The following ZDHHC11 variants were observed in gnomAD, a reference collection of about 807,000 sequenced individuals.
ZDHHC11 encodes palmitoyltransferase ZDHHC11.
ZDHHC11 carries 44 observed loss-of-function variants against 51.3 expected under a neutral mutation model. The observed-to-expected ratio is 0.86, with a 90% CI of 0.67 to 1.10. The LOEUF is 1.10. ZDHHC11 is among the 50% of genes least tolerant of loss of function. The pLI, the probability that ZDHHC11 is intolerant of heterozygous loss-of-function variation, is 0.00. For missense variants in ZDHHC11, 400 were observed against 537.7 expected, an observed-to-expected ratio of 0.74 and a Z score of 2.53; for synonymous variants, 163 against 222.0, an observed-to-expected ratio of 0.73 and a Z score of 2.36.
At chr5:819,726 T>C (rs1250658730) in intron 9 of ZDHHC11, 114 bp from the exon 10 acceptor site, 7 of 1,119,618 alleles carry the variant, frequency 6.3e-6, no homozygotes, top group African/African-American at 1.5e-5. Flanking sequence ...CCCATGTGTC[T>C]CAGAAACTGG....
intron 6 of ZDHHC11, among the ~76,000 whole-genome samples, chr5:836,118 C>T (rs1304651161): frequency 6.7e-6 from 1 of 150,030 alleles, no homozygotes; most frequent in East Asian, 1.9e-4. Context: ...CACCTGTGCC[C>T]AGCCTCCAAG....
Position 850,903 on chromosome 5 carries a change from C to T in ZDHHC11, c.-301G>A. 1 of 509,034 alleles carries T rather than the reference C, an allele frequency of 2.0e-6. No individual in the cohort carries two copies. Among genetic ancestry groups the T allele is most frequent in the South Asian group, 2.7e-5 (1 of 37,216 alleles). 31.5% of individuals were successfully genotyped at this position (509,034 alleles called of 1,614,324 possible). ...GGAGGACCCAGTGCCCGCGCGACCG[C>T]CCATCAGTTCCCCTGAGGATTTGTT... On this transcript the variant is annotated 5_prime_UTR_variant, in exon 1 of 13. Transcript: ENST00000283441.
chr5:830,147 A>G (rs1742888435), intron 7 of ZDHHC11, among the ~76,000 whole-genome samples: 1 of 128,082 alleles, frequency 7.8e-6, no homozygotes, highest in African/African-American at 3.0e-5. Flanking sequence ...GAGCAATCAG[A>G]GAAGAGAAAG....
Position 815,235 on chromosome 5 carries a change from C to A in ZDHHC11, c.1147-440G>T, listed in dbSNP as rs562872489. ...AGGCAAGGAGAGAGGCCTTGGGAGA[C>A]ACCAACCCTGCAGACACCGTGCTCT... On this transcript the variant is annotated intron_variant, in intron 10 of 12. Coordinates refer to ENST00000283441, the MANE Select transcript of ZDHHC11 (RefSeq NM_024786.3). Among the ~76,000 whole-genome samples, 71 of 151,516 alleles carry A rather than the reference C, an allele frequency of 4.7e-4. 2 individuals carry two copies. Among genetic ancestry groups the A allele is most frequent in the Non-Finnish European group, 8.0e-4 (54 of 67,736 alleles).
rs151247878 is a variant in ZDHHC11, at chr5:840,245, G to A, written c.784+250C>T. 398 of 725,248 alleles carry A rather than the reference G, an allele frequency of 5.5e-4. 3 individuals carry two copies. The African/African-American group carries it at 5.7e-3, about 10-fold the overall frequency. The allele number at this position is 725,248 out of a possible 1,614,324, so 44.9% of individuals were successfully genotyped here. A position where few individuals can be genotyped will look rare whatever the true frequency, so the allele number is the denominator to read the frequency against. ...TGGCACCACTCCTGCAGGTCTCGGCGTGAGTTCAGCTTCTTGCTGGGCCTG... is the reference window on the plus strand; with the variant it reads ...TGGCACCACTCCTGCAGGTCTCGGCATGAGTTCAGCTTCTTGCTGGGCCTG... On this transcript the variant is annotated intron_variant, in intron 5 of 12. Transcript: ENST00000283441.
rs1448735657 is a variant in ZDHHC11, at chr5:856,505, A to C, written c.-1+2369T>G. Reference sequence around the variant, plus strand: ...ACACAATCCACAACACACACCACCCACACACCACACAATACACAAAACAGA... The same window carrying C: ...ACACAATCCACAACACACACCACCCCCACACCACACAATACACAAAACAGA... On this transcript the variant is annotated intron_variant, in intron 1 of 3. Coordinates refer to the ZDHHC11 transcript ENST00000685990. 4.0e-5 allele frequency among the ~76,000 whole-genome samples: 6 copies of C among 151,556 alleles called. No homozygotes were observed. The East Asian group carries it at 1.2e-3, about 29-fold the overall frequency.
chr5:823,810 C>T (rs1311751203), intron 8 of ZDHHC11: 1 of 317,476 alleles, frequency 3.1e-6, no homozygotes, highest in Non-Finnish European at 6.4e-6. Flanking sequence ...ACAAATGCAC[C>T]TGTGCAGAAG....
In ZDHHC11 at chr5:843,782, AG is replaced by A. The variant is rs1324498767; in HGVS notation, c.504-59del. 6.8e-5 allele frequency: 18 copies of A among 263,148 alleles called. No homozygotes were observed. The African/African-American group carries it at 1.3e-3, about 18-fold the overall frequency. 16.3% of individuals were successfully genotyped at this position (263,148 alleles called of 1,614,324 possible). Reference sequence around the variant, plus strand: ...GGGGACGTGGGAGCAGTGGGGGCGCAGGGGCAGGTGTGGGGGGCACGGGGGC... The same window carrying A: ...GGGGACGTGGGAGCAGTGGGGGCGCAGGGCAGGTGTGGGGGGCACGGGGGC... On this transcript the variant is annotated intron_variant, in intron 3 of 12. Transcript: ENST00000283441.
In ZDHHC11 at chr5:840,582, C is replaced by A; in HGVS notation, c.697G>T (p.Val233Phe). 1 of 1,613,900 alleles carries A rather than the reference C, an allele frequency of 6.2e-7. No individual in the cohort carries two copies. Among genetic ancestry groups the A allele is most frequent in the Non-Finnish European group, 8.5e-7 (1 of 1,179,872 alleles). The change falls in exon 5 of 13, where the codon GTC (valine) becomes TTC (phenylalanine). Residue 233 changes from valine to phenylalanine, a missense_variant. This residue lies in a region of ZDHHC11 where 231 missense variants were observed against 227.4 expected (regional missense o/e 1.02). Coordinates refer to ENST00000283441, the MANE Select transcript of ZDHHC11 (RefSeq NM_024786.3). ...LFPVQVQTLIVVIIGMLVLLL... is the reference protein window; with the variant it reads ...LFPVQVQTLIFVIIGMLVLLL... ...AGCACGAGCATCCCGATGATCACGA[C>A]TATCAGGGTCTGCACCTGCACCGGG... is the stretch of plus-strand genomic sequence containing the variant.
At chr5:817,037 T>TG in intron 10 of ZDHHC11, 1 of 211,734 alleles carries the variant, frequency 4.7e-6, no homozygotes. Flanking sequence ...ATTACTGCCC[T>TG]GGGGGGTAGG....
chr5:798,101 C>G (rs1638343928), intron 12 of ZDHHC11, among the ~76,000 whole-genome samples: 1 of 146,304 alleles, frequency 6.8e-6, no homozygotes, highest in Admixed American at 7.0e-5. Context: ...AAGTGAGTTG[C>G]CTCTAGTTTG....
intron 6 of ZDHHC11, among the ~76,000 whole-genome samples, chr5:836,842 C>A (rs1220603926): frequency 7.3e-5 from 11 of 150,006 alleles, no homozygotes; most frequent in African/African-American, 2.0e-4. Flanking sequence ...GGGCGGATCA[C>A]CTGAGGCCAG....
chr5:797,761 C>A, intron 12 of ZDHHC11, among the ~76,000 whole-genome samples: 1 of 151,548 alleles, frequency 6.6e-6, no homozygotes, highest in East Asian at 1.9e-4. Flanking sequence ...ACTACGTTTT[C>A]TGCTGCTTCT....
At chr5:815,073 G>T (rs1462966972) in intron 10 of ZDHHC11, among the ~76,000 whole-genome samples, 1 of 151,316 alleles carries the variant, frequency 6.6e-6, no homozygotes. Flanking sequence ...CTTGAAAGAG[G>T]TAATGGATGT....
At chr5:855,726 G>A (rs1748130380), upstream of ZDHHC11, among the ~76,000 whole-genome samples, 2 of 150,886 alleles carry the variant, frequency 1.3e-5, no homozygotes, top group African/African-American at 4.9e-5. Context: ...ACAGAGGACA[G>A]TGAGCAGCGG....
intron 5 of ZDHHC11, 48 bp from the exon 6 acceptor site, chr5:837,528 T>G: frequency 6.3e-7 from 1 of 1,588,538 alleles, no homozygotes; most frequent in African/African-American, 1.3e-5. Flanking sequence ...CCCTGCGGCT[T>G]TGCACGGCGC....
At position 803,332 on chromosome 5, in the gene ZDHHC11, C is replaced by T. The variant is rs1253281425; in HGVS notation, c.1182-2168G>A. Among the ~76,000 whole-genome samples the T allele has an allele frequency of 3.3e-5, 5 of 151,540 alleles. 1 individual carries two copies. Among genetic ancestry groups the T allele is most frequent in the African/African-American group, 1.2e-4 (5 of 41,358 alleles). On this transcript the variant is annotated intron_variant, in intron 11 of 12. Transcript: ENST00000283441. ...AAGATTTACAGAGACAGACATTCCC[C>T]CCTTGTTTGTAGCTTGTTTGTAGCT...
intron 11 of ZDHHC11, among the ~76,000 whole-genome samples, chr5:801,697 C>T (rs1252914035): frequency 2.6e-5 from 4 of 151,286 alleles, no homozygotes; most frequent in East Asian, 3.8e-4. Context: ...TAGAAGTGAC[C>T]GTGTTGCTGC....
intron 4 of ZDHHC11, chr5:840,965 C>A: frequency 7.5e-7 from 1 of 1,340,936 alleles, no homozygotes. Flanking sequence ...TCACTAAGAG[C>A]CAGGGTCACA....
Sources: gnomAD v4.1 joint callset for allele counts (sites outside exome capture counted in the v4.1 genomes callset) on GRCh38, gnomAD v4.1.1 for gene constraint, gnomAD v4.1.1 regional missense constraint, MANE v1.5 for transcripts, NCBI Gene and HGNC (gene_info 2026-07-23, HGNC 2026-07-21) for gene names.